The following B3GALT1 variants were observed in gnomAD, a reference collection of about 807,000 sequenced individuals.
B3GALT1 encodes the protein beta-1,3-galactosyltransferase 1.
In B3GALT1, 10 loss-of-function variants were observed where a neutral mutation model predicts 23.2. That is an observed-to-expected ratio of 0.43 (90% CI 0.27 to 0.73). The LOEUF (loss-of-function observed/expected upper bound fraction) is 0.73. Among genes scored for constraint, B3GALT1 ranks in the 30% least tolerant of loss-of-function variants. The probability of loss-of-function intolerance (pLI) is 0.21; values close to 1 mark genes in which losing one functional copy is unlikely to be tolerated. For missense variants in B3GALT1, 299 were observed against 405.4 expected, an observed-to-expected ratio of 0.74 and a Z score of 2.25; for synonymous variants, 156 against 141.5, an observed-to-expected ratio of 1.10 and a Z score of -0.73.
At chr2:167,340,959 A>G (rs747917333) in intron 1 of B3GALT1, among the ~76,000 whole-genome samples, 1 of 152,204 alleles carries the variant, frequency 6.6e-6, no homozygotes, top group Non-Finnish European at 1.5e-5. Flanking sequence ...AAAAAGATGA[A>G]AAGATGGAAA....
At chr2:167,813,249 T>C (rs836714) in intron 3 of B3GALT1, among the ~76,000 whole-genome samples, 18,126 of 152,162 alleles carry the variant, frequency 0.12, 1,266 homozygotes, top group East Asian at 0.31. Flanking sequence ...TTTAAGAAGA[T>C]GATATTGAAA....
chr2:167,867,357 G>A (rs150561178), intron 4 of B3GALT1, among the ~76,000 whole-genome samples: 29 of 152,122 alleles, frequency 1.9e-4, no homozygotes, highest in Middle Eastern at 6.8e-3. Flanking sequence ...AATTTCTCCC[G>A]GGAGGACAGG....
intron 1 of B3GALT1, among the ~76,000 whole-genome samples, chr2:167,436,849 T>C (rs1167803360): frequency 6.6e-6 from 1 of 152,076 alleles, no homozygotes; most frequent in Non-Finnish European, 1.5e-5. Context: ...TAGTCAGAGG[T>C]ATTATTTCTG....
intron 2 of B3GALT1, among the ~76,000 whole-genome samples, chr2:167,636,020 CTTCAGAAATAAT>C (rs1243917598): frequency 6.6e-6 from 1 of 151,962 alleles, no homozygotes; most frequent in East Asian, 1.9e-4. Context: ...AGAACAGAGG[CTTCAGAAATAAT>C]GCCACCCATC....
intron 3 of B3GALT1, among the ~76,000 whole-genome samples, chr2:167,809,084 G>A (rs1023828618): frequency 4.6e-5 from 7 of 152,098 alleles, no homozygotes; most frequent in African/African-American, 1.7e-4. Context: ...ATCAGCTACT[G>A]AGGCTTGTGC....
At chr2:167,742,579 C>T (rs1375046506) in intron 3 of B3GALT1, among the ~76,000 whole-genome samples, 2 of 152,100 alleles carry the variant, frequency 1.3e-5, no homozygotes, top group African/African-American at 4.8e-5. Flanking sequence ...TCTATCACAG[C>T]AGAAAGATGA....
At chr2:167,834,465 C>G (rs778431813) in intron 4 of B3GALT1, among the ~76,000 whole-genome samples, 68 of 152,258 alleles carry the variant, frequency 4.5e-4, no homozygotes, top group Non-Finnish European at 7.6e-4. Context: ...GGTCTCTTTT[C>G]CAGAAGATGA....
intron 1 of B3GALT1, among the ~76,000 whole-genome samples, chr2:167,349,170 A>G (rs1163867724): frequency 6.6e-6 from 1 of 152,208 alleles, no homozygotes; most frequent in African/African-American, 2.4e-5. Flanking sequence ...TATTAGGTGA[A>G]AAATTCCAGA....
At chr2:167,725,971 T>C (rs1213169151) in intron 3 of B3GALT1, among the ~76,000 whole-genome samples, 2 of 152,190 alleles carry the variant, frequency 1.3e-5, no homozygotes, top group Non-Finnish European at 2.9e-5. Flanking sequence ...TTTTAAAATA[T>C]TTATGGGATT....
chr2:167,581,220 C>T (rs967342120), intron 2 of B3GALT1, among the ~76,000 whole-genome samples: 6 of 152,238 alleles, frequency 3.9e-5, no homozygotes, highest in African/African-American at 1.4e-4. Context: ...AAAGACTGCC[C>T]ATGTCCAAAG....
chr2:167,861,716 C>T (rs1215430474), intron 4 of B3GALT1, among the ~76,000 whole-genome samples: 1 of 152,156 alleles, frequency 6.6e-6, no homozygotes, highest in Non-Finnish European at 1.5e-5. Context: ...TCCCCCTTAC[C>T]ACTACCTGAA....
At chr2:167,533,080 C>T (rs181076116) in intron 2 of B3GALT1, among the ~76,000 whole-genome samples, 4 of 150,982 alleles carry the variant, frequency 2.6e-5, no homozygotes, top group East Asian at 1.9e-4. Context: ...AGGCTGGTCT[C>T]GAACACTTGA....
At chr2:167,843,067 T>C (rs555181870) in intron 4 of B3GALT1, among the ~76,000 whole-genome samples, 1 of 152,232 alleles carries the variant, frequency 6.6e-6, no homozygotes, top group African/African-American at 2.4e-5. Context: ...GACCACATGG[T>C]CTGTAGTTTT....
At chr2:167,454,257 G>A (rs568674430) in intron 1 of B3GALT1, among the ~76,000 whole-genome samples, 2 of 152,300 alleles carry the variant, frequency 1.3e-5, no homozygotes, top group African/African-American at 4.8e-5. Flanking sequence ...GCACGTGCAC[G>A]TAAACCATAG....
chr2:167,757,697 A>C (rs1239562193), intron 3 of B3GALT1, among the ~76,000 whole-genome samples: 5 of 151,954 alleles, frequency 3.3e-5, no homozygotes, highest in Non-Finnish European at 5.9e-5. Context: ...TCATATATGT[A>C]TATATATATA....
intron 2 of B3GALT1, among the ~76,000 whole-genome samples, chr2:167,498,340 C>T (rs908956924): frequency 6.6e-6 from 1 of 152,046 alleles, no homozygotes; most frequent in Non-Finnish European, 1.5e-5. Flanking sequence ...TTGAGAGTCT[C>T]TTCAACAACT....
intron 2 of B3GALT1, among the ~76,000 whole-genome samples, chr2:167,518,667 A>C (rs2105359667): frequency 6.6e-6 from 1 of 152,322 alleles, no homozygotes; most frequent in South Asian, 2.1e-4. Flanking sequence ...TCCAGAACCA[A>C]GTCTCGGGAT....
intron 1 of B3GALT1, among the ~76,000 whole-genome samples, chr2:167,471,414 C>T (rs957491458): frequency 3.9e-5 from 6 of 152,048 alleles, no homozygotes; most frequent in Non-Finnish European, 7.4e-5. Flanking sequence ...TCTAAATTAC[C>T]CCCATTGAAA....
Position 167,356,248 on chromosome 2 carries a change from CTAAACTT to C in B3GALT1, c.-511+62917_-511+62923del, listed in dbSNP as rs1697401304. Among the ~76,000 whole-genome samples, 3 of 152,290 alleles carry C rather than the reference CTAAACTT, an allele frequency of 2.0e-5. No individual in the cohort carries two copies. In the South Asian group the frequency reaches 6.2e-4, roughly 32 times the overall value. On this transcript the variant is annotated intron_variant, in intron 1 of 4. Coordinates refer to ENST00000392690, the MANE Select transcript of B3GALT1 (RefSeq NM_020981.4). Reference sequence around the variant, plus strand: ...AGATATTTTGCATGTATCTCAGCAACTAAACTTTATACTAACTACACCAAGTAATGAA... The same window carrying C: ...AGATATTTTGCATGTATCTCAGCAACTATACTAACTACACCAAGTAATGAA...
Sources: allele counts gnomAD v4.1 joint callset (sites outside exome capture counted in the v4.1 genomes callset), GRCh38; gene constraint gnomAD v4.1.1; transcripts MANE v1.5; gene names NCBI Gene and HGNC (gene_info 2026-07-23, HGNC 2026-07-21).